ACOT7: variants seen among roughly 807,000 people sequenced by gnomAD.
ACOT7 encodes the protein cytosolic acyl coenzyme A thioester hydrolase.
A neutral mutation model predicts 40.2 loss-of-function variants in ACOT7; 12 were observed. That is an observed-to-expected ratio of 0.30 (90% CI 0.19 to 0.48). The LOEUF is 0.48. ACOT7 is among the 20% of genes least tolerant of loss of function. ACOT7 has a pLI of 0.99. For synonymous variants in ACOT7, 228 were observed against 219.5 expected, an observed-to-expected ratio of 1.04 and a Z score of -0.34; for missense variants, 395 against 530.8, an observed-to-expected ratio of 0.74 and a Z score of 2.51.
chr1:6,268,536 AGAG>A (rs1483840767), intron 8 of ACOT7, among the ~76,000 whole-genome samples: 2 of 152,226 alleles, frequency 1.3e-5, no homozygotes, highest in African/African-American at 4.8e-5. Context: ...GGCTGCGGGC[AGAG>A]CTGAGGGAGC....
At chr1:6,342,634 T>C (rs913922291) in intron 2 of ACOT7, among the ~76,000 whole-genome samples, 1 of 152,202 alleles carries the variant, frequency 6.6e-6, no homozygotes, top group African/African-American at 2.4e-5. Context: ...CACCTAACTT[T>C]TTTTTAGAAA....
In ACOT7 at chr1:6,288,197, T is replaced by G. The variant is rs1040476331; in HGVS notation, c.829+6667A>C. Among the ~76,000 whole-genome samples, 2 of 152,228 alleles carry G rather than the reference T, an allele frequency of 1.3e-5. No homozygotes were observed. The highest frequency in any genetic ancestry group is 4.8e-5 in the African/African-American group (2 of 41,460). ...GGGCTCCACGTGCCTTCCCCTGTGC[T>G]GGTCCCCTGGGTGCGGGCTCCAGCC... On this transcript the variant is annotated intron_variant, in intron 7 of 8. Transcript: ENST00000361521. The surrounding 1 kb of genome is among the most constrained non-coding windows in gnomAD (Gnocchi z 4.3).
rs922855504 is a variant in ACOT7, at chr1:6,330,987, A to G, written c.510+2490T>C. 2.2e-4 allele frequency among the ~76,000 whole-genome samples: 33 copies of G among 152,326 alleles called. No individual in the cohort carries two copies. The highest frequency in any genetic ancestry group is 7.7e-4 in the African/African-American group (32 of 41,564). On this transcript the variant is annotated intron_variant, in intron 4 of 8. Coordinates refer to ENST00000361521, the MANE Select transcript of ACOT7 (RefSeq NM_007274.4). The surrounding 1 kb of genome is among the most constrained non-coding windows in gnomAD (Gnocchi z 4.6). ...GGCTCACTGAACGCCAAGGGCTTAGAGAAAAGAATGAACGTGGGGTGGGTG... is the reference window on the plus strand; with the variant it reads ...GGCTCACTGAACGCCAAGGGCTTAGGGAAAAGAATGAACGTGGGGTGGGTG...
At chr1:6,388,459 C>G (rs913601129) in intron 1 of ACOT7, among the ~76,000 whole-genome samples, 1 of 151,608 alleles carries the variant, frequency 6.6e-6, no homozygotes. Flanking sequence ...CAGAGCCCGG[C>G]CTGGTGCAGT....
intron 1 of ACOT7, among the ~76,000 whole-genome samples, chr1:6,392,458 C>T (rs1642547629): frequency 6.6e-6 from 1 of 152,172 alleles, no homozygotes; most frequent in Admixed American, 6.6e-5. Context: ...GCCCTCCCCA[C>T]CTCCTATGGG....
At chr1:6,360,055 AG>A (rs1283113415) in intron 1 of ACOT7, among the ~76,000 whole-genome samples, 5 of 152,278 alleles carry the variant, frequency 3.3e-5, no homozygotes, top group Non-Finnish European at 5.9e-5. Flanking sequence ...TATTACTAAA[AG>A]GATGTCCTTT....
At chr1:6,387,650 G>A (rs1353881152) in intron 1 of ACOT7, among the ~76,000 whole-genome samples, 1 of 152,210 alleles carries the variant, frequency 6.6e-6, no homozygotes, top group East Asian at 1.9e-4. Context: ...GGCCAGGTGG[G>A]TCACACAGGA....
In ACOT7 at chr1:6,368,555, G is replaced by A. The variant is rs535906100; in HGVS notation, c.144-18689C>T. On this transcript the variant is annotated intron_variant, in intron 1 of 8. Transcript: ENST00000361521. ...AATCATGCTGCTTCCCCACCAGCAG[G>A]CAACTCAGCCTGGCCCCGTTGTGGT... Among the ~76,000 whole-genome samples, 3 of 152,310 alleles carry A rather than the reference G, an allele frequency of 2.0e-5. No homozygotes were observed. The South Asian group carries it at 6.2e-4, about 32-fold the overall frequency.
rs148326512 is a variant in ACOT7, at chr1:6,374,411, G to A, written c.143+18846C>T. Among the ~76,000 whole-genome samples the A allele has an allele frequency of 5.6e-3, 857 of 152,356 alleles. 8 individuals are homozygous for A. Among genetic ancestry groups the A allele is most frequent in the African/African-American group, 0.02 (820 of 41,584 alleles). On this transcript the variant is annotated intron_variant, in intron 1 of 8. Coordinates refer to ENST00000361521, the MANE Select transcript of ACOT7 (RefSeq NM_007274.4). ...GAGTATGGGGCCAGTGGGTCAGTAC[G>A]GCCACCCTGAGTCTCACTCTCCAAA...
rs566147671 is a variant in ACOT7, at chr1:6,373,612, C to T, written c.143+19645G>A. ...GGGAGCAGTGGCTCACGCCTATAAT[C>T]CCAGCACTTTGAGAGGCCAAGGTGG... On this transcript the variant is annotated intron_variant, in intron 1 of 8. Coordinates refer to ENST00000361521, the MANE Select transcript of ACOT7 (RefSeq NM_007274.4). 1.9e-4 allele frequency among the ~76,000 whole-genome samples: 29 copies of T among 152,016 alleles called. No homozygotes were observed. The South Asian group carries it at 5.2e-3, about 27-fold the overall frequency.
At position 6,330,974 on chromosome 1, in the gene ACOT7, G is replaced by A. The variant is rs1181640233; in HGVS notation, c.510+2503C>T. On this transcript the variant is annotated intron_variant, in intron 4 of 8. Transcript: ENST00000361521. The surrounding 1 kb of genome is among the most constrained non-coding windows in gnomAD (Gnocchi z 4.6). ...TTACATGTGATGTGGCTCACTGAAC[G>A]CCAAGGGCTTAGAGAAAAGAATGAA... is the stretch of plus-strand genomic sequence containing the variant. 6.6e-6 allele frequency among the ~76,000 whole-genome samples: 1 copy of A among 152,174 alleles called. No homozygotes were observed. Among genetic ancestry groups the A allele is most frequent in the African/African-American group, 2.4e-5 (1 of 41,428 alleles).
At chr1:6,290,594 A>G (rs1297194192) in intron 7 of ACOT7, among the ~76,000 whole-genome samples, 1 of 152,216 alleles carries the variant, frequency 6.6e-6, no homozygotes, top group Non-Finnish European at 1.5e-5. Flanking sequence ...TTTATACTTG[A>G]CTTAAGGTTA....
chr1:6,335,840 G>A (rs985511283), intron 3 of ACOT7, among the ~76,000 whole-genome samples: 11 of 152,174 alleles, frequency 7.2e-5, no homozygotes, highest in East Asian at 1.9e-4. Flanking sequence ...TATTTCCACC[G>A]CACTTTGACT....
In ACOT7 at chr1:6,318,653, A is replaced by C. The variant is rs1640561079; in HGVS notation, c.626-75T>G. ...AGCTGAATGGTCTGGCAATGCCGAA[A>C]CCACCCTCAGGTCTACACAGTCAAC... On this transcript the variant is annotated intron_variant, in intron 5 of 8. Transcript: ENST00000361521. The C allele has an allele frequency of 4.1e-6, 6 of 1,462,446 alleles. No homozygotes were observed. In the Admixed American group the frequency reaches 1.1e-4, roughly 27 times the overall value. 90.6% of individuals were successfully genotyped at this position (1,462,446 alleles called of 1,614,324 possible).
chr1:6,296,866 C>T (rs565118613), intron 6 of ACOT7, among the ~76,000 whole-genome samples: 21 of 152,240 alleles, frequency 1.4e-4, no homozygotes, highest in South Asian at 1.0e-3. Flanking sequence ...AGTAGGCCAC[C>T]GCTCCTGACT....
chr1:6,269,283 G>A (rs566872486), intron 8 of ACOT7, among the ~76,000 whole-genome samples: 2 of 152,302 alleles, frequency 1.3e-5, no homozygotes, highest in Non-Finnish European at 2.9e-5. Context: ...AGTGAGGAAG[G>A]CGATGGACCT....
chr1:6,324,654 C>T (rs927501795), intron 5 of ACOT7, among the ~76,000 whole-genome samples: 6 of 152,180 alleles, frequency 3.9e-5, no homozygotes, highest in Admixed American at 2.0e-4. Context: ...CTCCAGAAAC[C>T]GCTCACAAAA....
At position 6,349,859 on chromosome 1, in the gene ACOT7, G is replaced by A. The variant is rs768926964; in HGVS notation, c.151C>T (p.Arg51Trp). Reference sequence around the variant, plus strand: ...CCGGCCACGTTGGCATCATCTGGCCGCATGATCCTAGGGCAGAGGAGAAGC... The same window carrying A: ...CCGGCCACGTTGGCATCATCTGGCCACATGATCCTAGGGCAGAGGAGAAGC... ...PSAIQICRIM[R>W]PDDANVAGNV... The change falls in exon 2 of 9, where the codon CGG (arginine) becomes TGG (tryptophan). Residue 51 changes from arginine (R) to tryptophan (W), a missense_variant. Transcript: ENST00000361521. 5 of 1,613,862 alleles carry A rather than the reference G, an allele frequency of 3.1e-6. No individual in the cohort carries two copies. Among genetic ancestry groups the A allele is most frequent in the South Asian group, 2.2e-5 (2 of 91,076 alleles).
Position 6,365,810 on chromosome 1 carries a change from A to G in ACOT7, c.144-15944T>C, listed in dbSNP as rs182020913. ...TTATTGCTAAAAAATGCTAACAATC[A>G]TCTGAGCCTTCAGTGAGTGGTATTC... On this transcript the variant is annotated intron_variant, in intron 1 of 8. Coordinates refer to ENST00000361521, the MANE Select transcript of ACOT7 (RefSeq NM_007274.4). 3.5e-3 allele frequency among the ~76,000 whole-genome samples: 529 copies of G among 151,924 alleles called. 4 individuals are homozygous for G. The highest frequency in any genetic ancestry group is 3.7e-3 in the Non-Finnish European group (250 of 67,976).
Sources: gnomAD v4.1 joint callset for allele counts (sites outside exome capture counted in the v4.1 genomes callset) on GRCh38, gnomAD v4.1.1 for gene constraint, Gnocchi (gnomAD v3.1) non-coding constraint, MANE v1.5 for transcripts, NCBI Gene and HGNC (gene_info 2026-07-23, HGNC 2026-07-21) for gene names.